The following SLC8A1 variants were observed in gnomAD, a reference collection of about 807,000 sequenced individuals.
SLC8A1 encodes the protein solute carrier family 8 member A1.
Under a neutral mutation model 68.3 loss-of-function variants are expected in SLC8A1, and 18 were observed. The observed-to-expected ratio is 0.26, with a 90% CI of 0.18 to 0.39. The LOEUF (loss-of-function observed/expected upper bound fraction) is 0.39. Ranked by LOEUF, SLC8A1 falls within the 10% of genes least tolerant of loss-of-function variation. SLC8A1 has a pLI of 1.00. For missense variants in SLC8A1, 985 were observed against 1,156.7 expected, an observed-to-expected ratio of 0.85 and a Z score of 2.15; for synonymous variants, 475 against 415.5, an observed-to-expected ratio of 1.14 and a Z score of -1.74.
intron 1 of SLC8A1, among the ~76,000 whole-genome samples, chr2:40,469,282 G>A (rs34186538): frequency 0.035 from 5,399 of 152,200 alleles, 248 homozygotes; most frequent in East Asian, 0.24. Context: ...GGAGGTGATT[G>A]GATTATGGGG....
intron 1 of SLC8A1, among the ~76,000 whole-genome samples, chr2:40,511,191 A>C (rs956175576): frequency 7.2e-5 from 11 of 152,160 alleles, no homozygotes; most frequent in African/African-American, 2.7e-4. Context: ...AAACTTAGCT[A>C]AGTAAAAACA....
intron 2 of SLC8A1, among the ~76,000 whole-genome samples, chr2:40,321,230 C>G (rs904686332): frequency 4.6e-5 from 7 of 151,970 alleles, no homozygotes; most frequent in Non-Finnish European, 1.0e-4. Context: ...ATGACTTTAG[C>G]ATCTCATGGA....
chr2:40,482,130 T>G (rs1042499498), intron 1 of SLC8A1, among the ~76,000 whole-genome samples: 2 of 152,194 alleles, frequency 1.3e-5, no homozygotes, highest in Admixed American at 6.5e-5. Context: ...TAACAAACTT[T>G]TAAGCGTGCA....
exon 8 of SLC8A1, chr2:40,108,873 T>G (rs2034388082): frequency 6.6e-6 from 1 of 152,140 alleles, no homozygotes; most frequent in African/African-American, 2.4e-5. Flanking sequence ...TCATCTCTTG[T>G]TTTACTATGT....
chr2:40,390,085 G>C (rs1684810346), intron 2 of SLC8A1, among the ~76,000 whole-genome samples: 1 of 151,852 alleles, frequency 6.6e-6, no homozygotes, highest in Non-Finnish European at 1.5e-5. Context: ...TGTATTATTA[G>C]GCAATTGTAA....
intron 7 of SLC8A1, among the ~76,000 whole-genome samples, chr2:40,127,645 C>T (rs1208834960): frequency 6.6e-6 from 1 of 152,188 alleles, no homozygotes; most frequent in African/African-American, 2.4e-5. Context: ...TCTGGAGCTA[C>T]AGCAAGCCTT....
At chr2:40,138,747 T>A (rs549192481) in intron 7 of SLC8A1, among the ~76,000 whole-genome samples, 2 of 152,326 alleles carry the variant, frequency 1.3e-5, no homozygotes, top group African/African-American at 4.8e-5. Flanking sequence ...TTTGGGAAGA[T>A]GATGTCTTAC....
At chr2:40,196,620 A>G (rs2053087632) in intron 2 of SLC8A1, among the ~76,000 whole-genome samples, 1 of 152,056 alleles carries the variant, frequency 6.6e-6, no homozygotes, top group Non-Finnish European at 1.5e-5. Context: ...GCAATGATCC[A>G]TCAATTGGTG....
chr2:40,451,599 C>CAA (rs1702495263), intron 1 of SLC8A1, among the ~76,000 whole-genome samples: 1 of 152,148 alleles, frequency 6.6e-6, no homozygotes, highest in Admixed American at 6.5e-5. Context: ...AGCATCTCTC[C>CAA]TTAGCAGCCC....
exon 8 of SLC8A1, chr2:40,114,824 C>T (rs1481406026): frequency 6.6e-6 from 1 of 152,336 alleles, no homozygotes; most frequent in African/African-American, 2.4e-5. Flanking sequence ...TTTACCAAAA[C>T]CCATTTACAT....
chr2:40,320,334 G>A (rs1462187300), intron 2 of SLC8A1, among the ~76,000 whole-genome samples: 1 of 151,922 alleles, frequency 6.6e-6, no homozygotes, highest in Non-Finnish European at 1.5e-5. Context: ...GGTCAACCTT[G>A]TCCTCCAACA....
At chr2:40,163,001 T>C (rs754525817) in intron 5 of SLC8A1, among the ~76,000 whole-genome samples, 56 of 152,292 alleles carry the variant, frequency 3.7e-4, no homozygotes, top group Non-Finnish European at 3.7e-4. Flanking sequence ...TCTAGGCTGA[T>C]ACGTAAGGGC....
chr2:40,238,368 C>A (rs1411090239), intron 2 of SLC8A1, among the ~76,000 whole-genome samples: 1 of 152,184 alleles, frequency 6.6e-6, no homozygotes, highest in East Asian at 1.9e-4. Flanking sequence ...ACCCGATTTT[C>A]CAGGTGCTGT....
chr2:40,323,373 A>G (rs1364860354), intron 2 of SLC8A1, among the ~76,000 whole-genome samples: 4 of 152,186 alleles, frequency 2.6e-5, no homozygotes, highest in Non-Finnish European at 5.9e-5. Context: ...TGCAAATAGA[A>G]TTGTCATGTC....
At chr2:40,233,016 G>A (rs1320232015) in intron 2 of SLC8A1, among the ~76,000 whole-genome samples, 1 of 151,866 alleles carries the variant, frequency 6.6e-6, no homozygotes, top group East Asian at 1.9e-4. Flanking sequence ...CATTTGGGTT[G>A]GTTCCAAGTC....
At chr2:40,457,373 G>A (rs1203028203) in intron 1 of SLC8A1, among the ~76,000 whole-genome samples, 1 of 152,110 alleles carries the variant, frequency 6.6e-6, no homozygotes, top group Non-Finnish European at 1.5e-5. Flanking sequence ...CTTTTCCAAG[G>A]CACCGTTTAT....
At chr2:40,174,972 GA>G in intron 3 of SLC8A1, 130 bp from the exon 5 acceptor site, 1 of 868,546 alleles carries the variant, frequency 1.2e-6, no homozygotes, top group East Asian at 2.5e-5. Context: ...AGAAGACTAG[GA>G]AAATGTTCAT....
chr2:40,216,895 TTA>T (rs2057579216), intron 2 of SLC8A1, among the ~76,000 whole-genome samples: 1 of 152,204 alleles, frequency 6.6e-6, no homozygotes, highest in South Asian at 2.1e-4. Context: ...ATTCTGGATA[TTA>T]GATCTTTGTC....
chr2:40,158,153 T>C (rs970362153), intron 6 of SLC8A1, among the ~76,000 whole-genome samples: 1 of 152,218 alleles, frequency 6.6e-6, no homozygotes, highest in Non-Finnish European at 1.5e-5. Context: ...AATTTAATAT[T>C]TGTAATAAGG....
Sources: gnomAD v4.1 joint callset for allele counts (sites outside exome capture counted in the v4.1 genomes callset) on GRCh38, gnomAD v4.1.1 for gene constraint, MANE v1.5 for transcripts, NCBI Gene and HGNC (gene_info 2026-07-23, HGNC 2026-07-21) for gene names.